The following CARM1 variants were observed in gnomAD, a reference collection of about 807,000 sequenced individuals.
CARM1 encodes the protein coactivator associated arginine methyltransferase 1, also known as histone-arginine methyltransferase CARM1.
A neutral mutation model predicts 72.7 loss-of-function variants in CARM1; 14 were observed. The observed-to-expected ratio is 0.19, with a 90% CI of 0.13 to 0.30. CARM1 has a LOEUF of 0.30. Ranked by LOEUF, CARM1 falls within the 10% of genes least tolerant of loss-of-function variation. The pLI, the probability that CARM1 is intolerant of heterozygous loss-of-function variation, is 1.00. For missense variants in CARM1, 432 were observed against 833.7 expected, an observed-to-expected ratio of 0.52 and a Z score of 5.93; for synonymous variants, 333 against 345.5, an observed-to-expected ratio of 0.96 and a Z score of 0.40.
intron 1 of CARM1, among the ~76,000 whole-genome samples, chr19:10,877,330 T>C (rs1269083579): frequency 1.3e-5 from 2 of 152,180 alleles, no homozygotes; most frequent in Non-Finnish European, 1.5e-5. Context: ...TTGTGTTGAC[T>C]CAAAATGCTT....
Position 10,916,225 on chromosome 19 carries a change from G to A in CARM1, c.848-182G>A, listed in dbSNP as rs1450597974. 2.6e-5 allele frequency among the ~76,000 whole-genome samples: 4 copies of A among 152,182 alleles called. No homozygotes were observed. The highest frequency in any genetic ancestry group is 4.4e-5 in the Non-Finnish European group (3 of 68,032). On this transcript the variant is annotated intron_variant, in intron 6 of 15. Coordinates refer to ENST00000327064, the MANE Select transcript of CARM1 (RefSeq NM_199141.2). This position sits in a 1 kb window ranked among gnomAD's most constrained non-coding sequence, Gnocchi z 4.4. ...GTGAGCTGGTGCAGGTCAGGTACCC[G>A]TGGTGGTGATGAAACACTGATCAGA...
rs2074046618 is a variant in CARM1, at chr19:10,899,261, T to C, written c.221-5690T>C. Among the ~76,000 whole-genome samples the C allele has an allele frequency of 2.0e-5, 3 of 152,190 alleles. No homozygotes were observed. In the South Asian group the frequency reaches 6.2e-4, roughly 31 times the overall value. On this transcript the variant is annotated intron_variant, in intron 1 of 15. Coordinates refer to ENST00000327064, the MANE Select transcript of CARM1 (RefSeq NM_199141.2). ...CCAGGCTTCACTTGGCCACAGGTCC[T>C]GTAGTTGCCTGCCTGGCGCCAGGTC...
intron 8 of CARM1, 90 bp from the exon 9 acceptor site, chr19:10,919,505 C>T (rs1371173952): frequency 9.7e-6 from 9 of 930,726 alleles, no homozygotes; most frequent in South Asian, 5.9e-5. Context: ...GCCTAGAAGC[C>T]GTGGGCAGAC....
chr19:10,921,027 G>T (rs781605092), intron 13 of CARM1, 23 bp from the exon 14 acceptor site: 1 of 1,613,706 alleles, frequency 6.2e-7, no homozygotes, highest in African/African-American at 1.3e-5. Context: ...CTCCAGCCCT[G>T]ACGTCTCCCT....
chr19:10,895,520 A>G (rs947239196), intron 1 of CARM1, among the ~76,000 whole-genome samples: 1 of 152,198 alleles, frequency 6.6e-6, no homozygotes, highest in Non-Finnish European at 1.5e-5. Context: ...GGGGAGGGGA[A>G]GGAGGTGAAC....
chr19:10,901,164 G>C (rs1463198319), intron 1 of CARM1, among the ~76,000 whole-genome samples: 1 of 151,434 alleles, frequency 6.6e-6, no homozygotes. Context: ...TGTGTTTTTA[G>C]TAGAGACGGC....
In CARM1 at chr19:10,903,028, T is replaced by C. The variant is rs547820498; in HGVS notation, c.221-1923T>C. ...AGGTCATTGCTCCATTTGAGTTCTG[T>C]TTTGTTTGTATATGGTGTGAGGTAG... On this transcript the variant is annotated intron_variant, in intron 1 of 15. Transcript: ENST00000327064. Among the ~76,000 whole-genome samples the C allele has an allele frequency of 2.6e-5, 4 of 152,314 alleles. No individual in the cohort carries two copies. In the South Asian group the frequency reaches 8.3e-4, roughly 32 times the overall value.
rs1271487219 is a variant in CARM1 at position 10,871,571 on chromosome 19, TGCGGCGGCGGTAGCGGCAGCG to T, written c.-121_-101del. 2.8e-4 allele frequency: 32 copies of T among 114,808 alleles called. No individual in the cohort carries two copies. Among genetic ancestry groups the T allele is most frequent in the Non-Finnish European group, 4.6e-4 (26 of 56,196 alleles). The allele number at this position is 114,808 out of a possible 1,614,324, so 7.1% of individuals were successfully genotyped here. On this transcript the variant is annotated 5_prime_UTR_variant, in exon 1 of 16. Coordinates refer to ENST00000327064, the MANE Select transcript of CARM1 (RefSeq NM_199141.2). This position sits in a 1 kb window ranked among gnomAD's most constrained non-coding sequence, Gnocchi z 5.6. The stretch of plus-strand genomic sequence containing the variant: ...GCTCGGCCTCGGCCTGCACGGCGGC[TGCGGCGGCGGTAGCGGCAGCG>T]GCGGCGGCGGCGGCGGCGGCGGCGG...
In CARM1 at chr19:10,912,347, G is replaced by A; in HGVS notation, c.669+53G>A. 1 of 1,332,904 alleles carries A rather than the reference G, an allele frequency of 7.5e-7. No individual in the cohort carries two copies. The highest frequency in any genetic ancestry group is 1.1e-6 in the Non-Finnish European group (1 of 928,202). The allele number at this position is 1,332,904 out of a possible 1,614,324, so 82.6% of individuals were successfully genotyped here. A position where few individuals can be genotyped will look rare whatever the true frequency, so the allele number is the denominator to read the frequency against. On this transcript the variant is annotated intron_variant, in intron 5 of 15. Transcript: ENST00000327064. This position sits in a 1 kb window ranked among gnomAD's most constrained non-coding sequence, Gnocchi z 4.5. ...CCTCGTCCTCGCCCATGAGTGCCAT[G>A]CCGGCCCCAGCCTAGAGAAGCTTGG...
chr19:10,920,094 G>C lies in CARM1; in HGVS notation c.1196+128G>C, dbSNP rs1230222119. On this transcript the variant is annotated intron_variant, in intron 10 of 15. Coordinates refer to ENST00000327064, the MANE Select transcript of CARM1 (RefSeq NM_199141.2). The surrounding 1 kb of genome is among the most constrained non-coding windows in gnomAD (Gnocchi z 5.3). ...TCCCTTCCAATGGGAGTGAGAGCCT[G>C]TCTCGGAGCAAGAGACTGTTGTGGG... 1.3e-6 allele frequency: 1 copy of C among 745,938 alleles called. No individual in the cohort carries two copies. The allele number at this position is 745,938 out of a possible 1,614,324, so 46.2% of individuals were successfully genotyped here.
At chr19:10,919,060 G>A (rs4804547) in intron 8 of CARM1, 32,554 of 153,562 alleles carry the variant, frequency 0.21, 3,745 homozygotes, top group Middle Eastern at 0.31. Flanking sequence ...ACACTCTCGG[G>A]CTTAAGCGAT....
intron 1 of CARM1, among the ~76,000 whole-genome samples, chr19:10,882,575 T>G (rs926715234): frequency 2.6e-4 from 33 of 129,110 alleles, no homozygotes; most frequent in African/African-American, 8.2e-4. Flanking sequence ...AGGGTCTCAC[T>G]CTGTCGCCCA....
Position 10,905,064 on chromosome 19 carries a change from G to A in CARM1, c.334G>A (p.Ala112Thr). ...LGCNSVLIQF[A>T]TPNDFCSFYN... ...CTGCAACAGCGTCCTCATCCAGTTC[G>A]CCACACCCAACGGTACGTGGCCCTC... Residue 112 changes from alanine (A) to threonine (T), a missense_variant, in exon 2 of 16, where the codon GCC becomes ACC. Transcript: ENST00000327064. 2.5e-6 allele frequency: 4 copies of A among 1,613,824 alleles called. 1 individual carries two copies. The South Asian group carries it at 4.4e-5, about 18-fold the overall frequency.
intron 4 of CARM1, among the ~76,000 whole-genome samples, chr19:10,911,712 C>T (rs546425241): frequency 9.2e-5 from 14 of 152,364 alleles, no homozygotes; most frequent in East Asian, 1.9e-4. Context: ...GTGACCACCA[C>T]GGGCCAGTAG....
chr19:10,917,653 A>T (rs1381255537), intron 8 of CARM1, among the ~76,000 whole-genome samples: 1 of 150,546 alleles, frequency 6.6e-6, no homozygotes, highest in African/African-American at 2.5e-5. Context: ...TTTTCACCAT[A>T]TCTCAGATGA....
In CARM1 at chr19:10,920,864, C is replaced by A. The variant is rs769280912; in HGVS notation, c.1455C>A (p.Pro485=). Residue 485 remains proline (P), a synonymous_variant, in exon 13 of 16, where the codon CCC becomes CCA. Coordinates refer to ENST00000327064, the MANE Select transcript of CARM1 (RefSeq NM_199141.2). This position sits in a 1 kb window ranked among gnomAD's most constrained non-coding sequence, Gnocchi z 5.3. ...CGGGCACAACGCCCTCACCCCCACCCGGCTCCCACTACACATCTCCCTCGG... is the reference window on the plus strand; with the variant it reads ...CGGGCACAACGCCCTCACCCCCACCAGGCTCCCACTACACATCTCCCTCGG... ...RYTGTTPSPP[P]GSHYTSPSEN... The A allele has an allele frequency of 6.2e-7, 1 of 1,614,118 alleles. No individual in the cohort carries two copies. The highest frequency in any genetic ancestry group is 8.5e-7 in the Non-Finnish European group (1 of 1,180,036).
chr19:10,878,675 C>T, intron 1 of CARM1, among the ~76,000 whole-genome samples: 1 of 152,070 alleles, frequency 6.6e-6, no homozygotes, highest in Non-Finnish European at 1.5e-5. Flanking sequence ...TCACAAAGAC[C>T]CAAAGTAGCA....
intron 2 of CARM1, among the ~76,000 whole-genome samples, chr19:10,905,942 C>CTTTTTTTTTTTT (rs35328638): frequency 3.9e-5 from 4 of 103,440 alleles, no homozygotes; most frequent in African/African-American, 1.6e-4. Context: ...TGCCCGGCCC[C>CTTTTTTTTTTTT]TTTTTTTTTT....
In CARM1 at chr19:10,915,474, C is replaced by A. The variant is rs1005798808; in HGVS notation, c.848-933C>A. Among the ~76,000 whole-genome samples, 1 of 152,096 alleles carries A rather than the reference C, an allele frequency of 6.6e-6. No individual in the cohort carries two copies. Among genetic ancestry groups the A allele is most frequent in the Non-Finnish European group, 1.5e-5 (1 of 67,988 alleles). On this transcript the variant is annotated intron_variant, in intron 6 of 15. Coordinates refer to ENST00000327064, the MANE Select transcript of CARM1 (RefSeq NM_199141.2). This position sits in a 1 kb window ranked among gnomAD's most constrained non-coding sequence, Gnocchi z 4.6. ...TTCCAGGGGTTAAAGGCAGCCCTCC[C>A]CTCTCCCAGTCACATGTCTTCTGGT... is the stretch of plus-strand genomic sequence containing the variant.
Sources: allele counts gnomAD v4.1 joint callset (sites outside exome capture counted in the v4.1 genomes callset), GRCh38; gene constraint gnomAD v4.1.1; non-coding constraint Gnocchi (gnomAD v3.1); transcripts MANE v1.5; gene names NCBI Gene and HGNC (gene_info 2026-07-23, HGNC 2026-07-21).